The following COG5 variants were observed in gnomAD, a reference collection of about 807,000 sequenced individuals.
The protein encoded by COG5 is conserved oligomeric Golgi complex subunit 5.
In COG5, 86 loss-of-function variants were observed where a neutral mutation model predicts 110.4. The observed-to-expected ratio is 0.78, with a 90% CI of 0.65 to 0.93. COG5 has a LOEUF of 0.93. Among genes scored for constraint, COG5 ranks in the 40% least tolerant of loss-of-function variants. The probability of loss-of-function intolerance (pLI) is 0.00; values close to 1 mark genes in which losing one functional copy is unlikely to be tolerated. For missense variants in COG5, 1,077 were observed against 987.0 expected (o/e 1.09, Z -1.22); for synonymous variants, 360 against 334.6 (o/e 1.08, Z -0.83).
At chr7:107,316,027 T>C (rs555361512) in intron 11 of COG5, among the ~76,000 whole-genome samples, 2 of 152,246 alleles carry the variant, frequency 1.3e-5, no homozygotes, top group East Asian at 3.9e-4. Context: ...TTGCTTCCCT[T>C]AATGAGAACA....
At chr7:107,242,421 G>C (rs1801715991) in intron 17 of COG5, among the ~76,000 whole-genome samples, 1 of 152,182 alleles carries the variant, frequency 6.6e-6, no homozygotes. Flanking sequence ...TGGCAAAGTG[G>C]CCAGACTGTT....
chr7:107,296,144 T>TTCCC (rs1464084121), intron 12 of COG5, among the ~76,000 whole-genome samples: 153 of 151,374 alleles, frequency 1.0e-3, no homozygotes, highest in Non-Finnish European at 1.5e-3. Context: ...CCTTCCTTCT[T>TTCCC]TCCCTCCCTC....
chr7:107,497,593 G>A (rs1798360307), intron 6 of COG5, among the ~76,000 whole-genome samples: 2 of 152,098 alleles, frequency 1.3e-5, no homozygotes, highest in Admixed American at 1.3e-4. Flanking sequence ...GTAAGAAAGT[G>A]AAAGACCTGT....
chr7:107,337,800 C>T (rs1252221842), intron 10 of COG5, among the ~76,000 whole-genome samples: 1 of 152,028 alleles, frequency 6.6e-6, no homozygotes, highest in Admixed American at 6.6e-5. Context: ...GAAGACAGGA[C>T]TTGAGATGTT....
At chr7:107,303,682 C>G (rs1046689407) in intron 11 of COG5, among the ~76,000 whole-genome samples, 22 of 152,072 alleles carry the variant, frequency 1.4e-4, no homozygotes, top group African/African-American at 5.1e-4. Context: ...CTCAAGGAAT[C>G]CTCCCACCTC....
In COG5 at chr7:107,558,038, C is replaced by T; in HGVS notation, c.172G>A (p.Ala58Thr). ...TSQSIHQAVI[A>T]EQLAKLAQGI... ...TGGGCAAGTTTTGCTAGTTGTTCAGCAATTACAGCTTGATGAATAGATTGA... is the reference window on the plus strand; with the variant it reads ...TGGGCAAGTTTTGCTAGTTGTTCAGTAATTACAGCTTGATGAATAGATTGA... Residue 58 changes from alanine to threonine, a missense_variant, in exon 2 of 22, where the codon GCT becomes ACT. Physicochemically the swap from Ala to Thr is moderately conservative, Grantham distance 58. Transcript: ENST00000297135. 6.2e-7 allele frequency: 1 copy of T among 1,613,980 alleles called. No homozygotes were observed. The highest frequency in any genetic ancestry group is 8.5e-7 in the Non-Finnish European group (1 of 1,179,974).
intron 6 of COG5, among the ~76,000 whole-genome samples, chr7:107,418,746 GTTTTAT>G (rs1248201276): frequency 6.6e-6 from 1 of 151,324 alleles, no homozygotes; most frequent in African/African-American, 2.4e-5. Context: ...TGCAAATAGT[GTTTTAT>G]TTTTATTTAT....
chr7:107,350,184 T>C (rs1812011490), intron 10 of COG5, among the ~76,000 whole-genome samples: 1 of 152,226 alleles, frequency 6.6e-6, no homozygotes, highest in African/African-American at 2.4e-5. Flanking sequence ...CCAGTTAGGC[T>C]TATATTAAAA....
In COG5 at chr7:107,474,247, T is replaced by C. The variant is rs754550098; in HGVS notation, c.538+52990A>G. On this transcript the variant is annotated intron_variant, in intron 6 of 21. Transcript: ENST00000297135. The surrounding 1 kb of genome is among the most constrained non-coding windows in gnomAD (Gnocchi z 5.7). ...GGGACTTGGCAGCAACCTCACTGTATTGGTACTTTACTGCATGAAATCCAA... is the reference window on the plus strand; with the variant it reads ...GGGACTTGGCAGCAACCTCACTGTACTGGTACTTTACTGCATGAAATCCAA... 2.4e-5 allele frequency: 38 copies of C among 1,612,780 alleles called. No homozygotes were observed. Among genetic ancestry groups the C allele is most frequent in the Non-Finnish European group, 3.2e-5 (38 of 1,179,134 alleles).
At chr7:107,518,287 G>A (rs1328601972) in intron 6 of COG5, among the ~76,000 whole-genome samples, 2 of 152,118 alleles carry the variant, frequency 1.3e-5, no homozygotes, top group Admixed American at 1.3e-4. Context: ...CATGATGACA[G>A]GATCAAATTC....
At chr7:107,479,968 A>G (rs1584877894) in intron 6 of COG5, among the ~76,000 whole-genome samples, 1 of 152,260 alleles carries the variant, frequency 6.6e-6, no homozygotes, top group East Asian at 1.9e-4. Context: ...TCCCTGAATA[A>G]CTTATTATGG....
intron 14 of COG5, among the ~76,000 whole-genome samples, chr7:107,278,566 C>CAA (rs1444595256): frequency 6.6e-6 from 1 of 152,120 alleles, no homozygotes; most frequent in Admixed American, 6.6e-5. Flanking sequence ...TGATGGTTTT[C>CAA]AGCTTCATCC....
intron 7 of COG5, among the ~76,000 whole-genome samples, chr7:107,382,108 G>A (rs1273551978): frequency 6.6e-6 from 1 of 152,178 alleles, no homozygotes; most frequent in Non-Finnish European, 1.5e-5. Context: ...GTCCATAAAA[G>A]TCCAGTGGGG....
intron 6 of COG5, among the ~76,000 whole-genome samples, chr7:107,492,309 T>C (rs1449439694): frequency 2.0e-5 from 3 of 151,996 alleles, no homozygotes; most frequent in African/African-American, 7.2e-5. Context: ...GTAACTGACG[T>C]GGTACAAATG....
chr7:107,222,549 A>T (rs758775166), intron 19 of COG5, among the ~76,000 whole-genome samples: 5 of 152,212 alleles, frequency 3.3e-5, no homozygotes, highest in Non-Finnish European at 7.3e-5. Context: ...CATGAAAAGC[A>T]AAACTAGATT....
chr7:107,423,928 T>C (rs1415343163), intron 6 of COG5, among the ~76,000 whole-genome samples: 1 of 151,968 alleles, frequency 6.6e-6, no homozygotes, highest in South Asian at 2.1e-4. Flanking sequence ...AGGAAAACAA[T>C]GAACAGATGA....
At chr7:107,283,385 A>T (rs1260051757) in intron 13 of COG5, among the ~76,000 whole-genome samples, 186 bp downstream of exon 13, 2 of 152,312 alleles carry the variant, frequency 1.3e-5, no homozygotes, top group East Asian at 3.9e-4. Context: ...AGGTATTTAA[A>T]TTATTTATTA....
chr7:107,293,072 G>A (rs886242288), intron 12 of COG5, among the ~76,000 whole-genome samples: 1 of 152,086 alleles, frequency 6.6e-6, no homozygotes. Context: ...TTTGGTCTGG[G>A]AACAACCTCA....
chr7:107,498,186 C>T (rs904250550), intron 6 of COG5, among the ~76,000 whole-genome samples: 2 of 152,090 alleles, frequency 1.3e-5, no homozygotes, highest in East Asian at 1.9e-4. Context: ...ACTCCTAGAA[C>T]GACACGTGAG....
Sources: gnomAD v4.1 joint callset for allele counts (sites outside exome capture counted in the v4.1 genomes callset) on GRCh38, gnomAD v4.1.1 for gene constraint, Gnocchi (gnomAD v3.1) non-coding constraint, MANE v1.5 for transcripts, NCBI Gene and HGNC (gene_info 2026-07-23, HGNC 2026-07-21) for gene names.